Variants in ZDHHC15 observed in about 807,000 individuals in gnomAD.
ZDHHC15 encodes the protein zDHHC palmitoyltransferase 15.
In ZDHHC15, 19 loss-of-function variants were observed where a neutral mutation model predicts 31.7. The observed-to-expected ratio is 0.60, with a 90% CI of 0.42 to 0.88. ZDHHC15 has a LOEUF of 0.88. Ranked by LOEUF, ZDHHC15 falls within the 40% of genes least tolerant of loss-of-function variation. ZDHHC15 has a pLI of 0.00. For synonymous variants in ZDHHC15, 103 were observed against 90.0 expected (o/e 1.14, Z -0.82); for missense variants, 209 against 251.2 (o/e 0.83, Z 1.14).
chrX:75,419,650 G>A (rs929157748), intron 9 of ZDHHC15, among the ~76,000 whole-genome samples: 1 of 110,150 alleles, frequency 9.1e-6, no homozygotes, highest in African/African-American at 3.3e-5. Context: ...ACATGCACAC[G>A]TATGTTTACT....
chrX:75,395,930 C>A (rs1490477018), intron 10 of ZDHHC15, among the ~76,000 whole-genome samples: 1 of 112,265 alleles, frequency 8.9e-6, no homozygotes, highest in Non-Finnish European at 1.9e-5. Flanking sequence ...GCTGGGAAAA[C>A]TGGATATCCA....
intron 3 of ZDHHC15, among the ~76,000 whole-genome samples, chrX:75,472,927 T>C (rs1349196956): frequency 8.9e-6 from 1 of 112,503 alleles, no homozygotes; most frequent in Non-Finnish European, 1.9e-5. Context: ...TTGATTATAC[T>C]GGACTTCATT....
chrX:75,522,758 G>A, intron 1 of ZDHHC15, 131 bp downstream of exon 1: 1 of 889,092 alleles, frequency 1.1e-6, no homozygotes, highest in Non-Finnish European at 1.6e-6. Flanking sequence ...TGGGGACAAG[G>A]AACTCTCCAG....
rs570606411 is a variant in ZDHHC15, at chrX:75,496,053, C to G, written c.163+9768G>C. Among the ~76,000 whole-genome samples, 16 of 110,256 alleles carry G rather than the reference C, an allele frequency of 1.5e-4. No homozygotes were observed. The South Asian group carries it at 6.2e-3, about 43-fold the overall frequency. On this transcript the variant is annotated intron_variant, in intron 2 of 11. Transcript: ENST00000373367. The stretch of plus-strand genomic sequence containing the variant: ...GCCTAAATAATCTATTTAGAAGATA[C>G]AGAATGGCAGAATGGAGAAAAATCT...
chrX:75,459,816 T>TA (rs1425417122), intron 3 of ZDHHC15, among the ~76,000 whole-genome samples: 1 of 112,622 alleles, frequency 8.9e-6, no homozygotes, highest in African/African-American at 3.2e-5. Flanking sequence ...TTACGCTAAA[T>TA]ATATACAACA....
intron 3 of ZDHHC15, among the ~76,000 whole-genome samples, chrX:75,475,236 T>C (rs888519426): frequency 8.9e-6 from 1 of 111,923 alleles, no homozygotes; most frequent in African/African-American, 3.2e-5. Context: ...TTTTAAATTA[T>C]GATGTAGTCC....
chrX:75,481,164 AC>A (rs1156848994), intron 2 of ZDHHC15, among the ~76,000 whole-genome samples: 3 of 110,943 alleles, frequency 2.7e-5, no homozygotes, highest in African/African-American at 9.8e-5. Flanking sequence ...TGAGGTTTGT[AC>A]GGGGAAAATT....
intron 10 of ZDHHC15, among the ~76,000 whole-genome samples, chrX:75,387,049 TG>T: frequency 9.0e-6 from 1 of 111,378 alleles, no homozygotes; most frequent in East Asian, 2.8e-4. Flanking sequence ...ACATTTTGGA[TG>T]GGCAGTGCTC....
chrX:75,484,581 A>T (rs2147992325), intron 2 of ZDHHC15, among the ~76,000 whole-genome samples: 1 of 111,979 alleles, frequency 8.9e-6, no homozygotes. Context: ...GATAATGAAG[A>T]TGTGGAATAA....
intron 2 of ZDHHC15, among the ~76,000 whole-genome samples, chrX:75,498,182 C>G (rs1341312624): frequency 9.0e-6 from 1 of 110,664 alleles, no homozygotes; most frequent in Admixed American, 9.7e-5. Context: ...ATCCGGCTGC[C>G]TCAGCCTCCC....
At chrX:75,451,869 C>T (rs2084124053) in intron 3 of ZDHHC15, among the ~76,000 whole-genome samples, 1 of 111,336 alleles carries the variant, frequency 9.0e-6, no homozygotes, top group Non-Finnish European at 1.9e-5. Flanking sequence ...CCTAAAAGAG[C>T]TCCTGAAGGA....
At chrX:75,401,704 T>A (rs1403051213) in intron 10 of ZDHHC15, among the ~76,000 whole-genome samples, 1 of 112,155 alleles carries the variant, frequency 8.9e-6, no homozygotes, top group Admixed American at 9.4e-5. Flanking sequence ...ATCCTAAATA[T>A]ATATGTACCC....
At chrX:75,484,167 G>A (rs1006884815) in intron 2 of ZDHHC15, among the ~76,000 whole-genome samples, 1 of 111,548 alleles carries the variant, frequency 9.0e-6, no homozygotes, top group Non-Finnish European at 1.9e-5. Flanking sequence ...AGTAATGGAG[G>A]AACTTAGCTC....
At chrX:75,490,760 A>G (rs1396763118) in intron 2 of ZDHHC15, among the ~76,000 whole-genome samples, 1 of 111,526 alleles carries the variant, frequency 9.0e-6, no homozygotes, top group Non-Finnish European at 1.9e-5. Flanking sequence ...GCAATTGTGA[A>G]TGGGAGCTCA....
Position 75,494,774 on chromosome X carries a change from A to T in ZDHHC15, c.163+11047T>A, listed in dbSNP as rs180905287. On this transcript the variant is annotated intron_variant, in intron 2 of 11. Transcript: ENST00000373367. ...GATCCCTTCCTTACACCTTATACAA[A>T]AATTAATTCAAGATGGATTAAAGAC... Among the ~76,000 whole-genome samples, 74 of 112,412 alleles carry T rather than the reference A, an allele frequency of 6.6e-4. No homozygotes were observed. In the East Asian group the frequency reaches 0.019, roughly 29 times the overall value.
At chrX:75,389,735 G>C (rs1329267905) in intron 10 of ZDHHC15, among the ~76,000 whole-genome samples, 3 of 110,815 alleles carry the variant, frequency 2.7e-5, no homozygotes, top group Admixed American at 1.9e-4. Context: ...ATGGGCCTTG[G>C]GTGAGATTCA....
intron 10 of ZDHHC15, among the ~76,000 whole-genome samples, chrX:75,380,769 C>A (rs1321480366): frequency 9.0e-6 from 1 of 111,690 alleles, no homozygotes; most frequent in African/African-American, 3.3e-5. Flanking sequence ...CCCAACTACA[C>A]CTGCCCTTGC....
chrX:75,522,471 G>C (rs1478532882), intron 1 of ZDHHC15, among the ~76,000 whole-genome samples: 1 of 111,427 alleles, frequency 9.0e-6, no homozygotes, highest in Admixed American at 9.5e-5. Context: ...AAAATGGTGG[G>C]GCTCCTAGTT....
chrX:75,522,786 G>A (rs878898954), intron 1 of ZDHHC15, 103 bp downstream of exon 1: 1 of 1,065,007 alleles, frequency 9.4e-7, no homozygotes. Flanking sequence ...AAGGAAAACC[G>A]CAGAGAGAAG....
Sources: gnomAD v4.1 joint callset for allele counts (sites outside exome capture counted in the v4.1 genomes callset) on GRCh38, gnomAD v4.1.1 for gene constraint, MANE v1.5 for transcripts, NCBI Gene and HGNC (gene_info 2026-07-23, HGNC 2026-07-21) for gene names.